VPS54: variants seen among roughly 807,000 people sequenced by gnomAD.
VPS54 encodes vacuolar protein sorting-associated protein 54.
VPS54 carries 45 observed loss-of-function variants against 121.5 expected under a neutral mutation model. That is an observed-to-expected ratio of 0.37 (90% confidence interval 0.29 to 0.47). The LOEUF (loss-of-function observed/expected upper bound fraction) is 0.47. Ranked by LOEUF, VPS54 falls within the 20% of genes least tolerant of loss-of-function variation. The probability of loss-of-function intolerance (pLI) is 0.99; values close to 1 mark genes in which losing one functional copy is unlikely to be tolerated. For missense variants in VPS54, 1,090 were observed against 1,131.4 expected (o/e 0.96, Z 0.52); for synonymous variants, 371 against 385.8 (o/e 0.96, Z 0.45).
intron 1 of VPS54, among the ~76,000 whole-genome samples, chr2:63,991,305 T>C (rs1396214387): frequency 6.6e-6 from 1 of 152,230 alleles, no homozygotes; most frequent in Non-Finnish European, 1.5e-5. Context: ...GCTCAAGGTA[T>C]TCTTTTTCAT....
intron 1 of VPS54, among the ~76,000 whole-genome samples, chr2:63,985,820 G>A (rs1025921422): frequency 6.6e-6 from 1 of 152,154 alleles, no homozygotes; most frequent in Non-Finnish European, 1.5e-5. Flanking sequence ...AAAATTAAGA[G>A]TCTTTGAAAG....
At chr2:63,894,882 C>A (rs1672380405) in intron 22 of VPS54, among the ~76,000 whole-genome samples, 1 of 151,690 alleles carries the variant, frequency 6.6e-6, no homozygotes, top group Non-Finnish European at 1.5e-5. Flanking sequence ...AATCTAGGTA[C>A]AATAAATAAG....
intron 3 of VPS54, among the ~76,000 whole-genome samples, chr2:63,981,041 C>A (rs1676779926): frequency 6.6e-6 from 1 of 151,878 alleles, no homozygotes; most frequent in Non-Finnish European, 1.5e-5. Context: ...ATTAGGCTTG[C>A]TAATGAAAAA....
chr2:63,979,241 G>GTTTTTTT (rs768489534), intron 3 of VPS54, among the ~76,000 whole-genome samples: 12 of 123,614 alleles, frequency 9.7e-5, no homozygotes, highest in African/African-American at 4.1e-4. Context: ...TTTTCTGTTT[G>GTTTTTTT]TTTTTTTTTT....
chr2:63,941,468 C>G lies in VPS54; in HGVS notation c.1398+997G>C, dbSNP rs140468043. Among the ~76,000 whole-genome samples the G allele has an allele frequency of 7.0e-4, 107 of 152,306 alleles. 4 individuals carry two copies. The East Asian group carries it at 0.016, about 23-fold the overall frequency. On this transcript the variant is annotated intron_variant, in intron 11 of 22. Transcript: ENST00000272322. ...TCTCAAACTCCTGAGCTCAAGTGAT[C>G]CTCTTGCCTTGGCCTCCCAAAGTGA...
At chr2:63,989,878 G>A (rs1393865077) in intron 1 of VPS54, among the ~76,000 whole-genome samples, 1 of 152,188 alleles carries the variant, frequency 6.6e-6, no homozygotes, top group Non-Finnish European at 1.5e-5. Context: ...TGTTAAAACA[G>A]GGAAGGGTCC....
At chr2:63,937,780 T>C (rs954094322) in intron 11 of VPS54, among the ~76,000 whole-genome samples, 2 of 152,138 alleles carry the variant, frequency 1.3e-5, no homozygotes, top group East Asian at 1.9e-4. Flanking sequence ...CAAAATGTAG[T>C]AGATACACAT....
chr2:63,980,527 A>G (rs1206744898), intron 3 of VPS54, among the ~76,000 whole-genome samples: 1 of 151,850 alleles, frequency 6.6e-6, no homozygotes, highest in African/African-American at 2.4e-5. Context: ...CTTTGTTTGG[A>G]TTGAGAATTT....
At chr2:63,919,564 T>G (rs1310247598) in intron 15 of VPS54, among the ~76,000 whole-genome samples, 1 of 152,092 alleles carries the variant, frequency 6.6e-6, no homozygotes, top group African/African-American at 2.4e-5. Context: ...TAAAAATTCC[T>G]TAACCCTTCT....
chr2:63,934,106 C>A, intron 11 of VPS54, 93 bp from the exon 12 acceptor site: 1 of 1,119,236 alleles, frequency 8.9e-7, no homozygotes. Context: ...TTTTGGACAT[C>A]TATAATCATA....
At chr2:63,998,141 T>C (rs916884959) in intron 1 of VPS54, among the ~76,000 whole-genome samples, 10 of 152,222 alleles carry the variant, frequency 6.6e-5, no homozygotes, top group Admixed American at 2.0e-4. Context: ...TAGGTGCATA[T>C]ATATTTACAA....
In VPS54 at chr2:63,947,450, C is replaced by G. The variant is rs150460424; in HGVS notation, c.1178G>C (p.Arg393Thr). The change falls in exon 9 of 23, where the codon AGA becomes ACA. Residue 393 changes from arginine to threonine, a missense_variant. Around this residue, in one of 2 missense-constraint regions of VPS54, gnomAD observed 801 missense variants for 757.0 expected, o/e 1.06. Transcript: ENST00000272322. ...ISLVFGLLKQ[R>T]KLNFLEIYGE... ...ATAGATTTCTAAAAAATTAAGCTTT[C>G]TTTGTTTTAAAAGTCCAAATACAAG... 7.1e-6 allele frequency: 11 copies of G among 1,546,784 alleles called. No homozygotes were observed. The highest frequency in any genetic ancestry group is 8.8e-6 in the Non-Finnish European group (10 of 1,130,556).
chr2:63,982,834 A>C (rs1241350463), intron 2 of VPS54, among the ~76,000 whole-genome samples: 1 of 152,376 alleles, frequency 6.6e-6, no homozygotes, highest in Non-Finnish European at 1.5e-5. Context: ...GAGAGCTGAA[A>C]CAAAAAGGCA....
intron 4 of VPS54, among the ~76,000 whole-genome samples, chr2:63,970,104 A>T (rs1676196173): frequency 6.6e-6 from 1 of 151,372 alleles, no homozygotes; most frequent in African/African-American, 2.4e-5. Flanking sequence ...GAGCTTGGTT[A>T]ATCAGTTTAC....
rs1675040424 is a variant in VPS54, at chr2:63,947,577, T to C, written c.1138-87A>G. ...GAAATATTCAGCATCAAGAGTTCTGTTTGATCCTCAGATCTCTATCCTGCA... is the reference window on the plus strand; with the variant it reads ...GAAATATTCAGCATCAAGAGTTCTGCTTGATCCTCAGATCTCTATCCTGCA... On this transcript the variant is annotated intron_variant, in intron 8 of 22. Transcript: ENST00000272322. 3 of 1,120,918 alleles carry C rather than the reference T, an allele frequency of 2.7e-6. 1 individual carries two copies. Among genetic ancestry groups the C allele is most frequent in the Middle Eastern group, 3.3e-4 (1 of 3,038 alleles). 69.4% of individuals were successfully genotyped at this position (1,120,918 alleles called of 1,614,324 possible).
intron 1 of VPS54, among the ~76,000 whole-genome samples, chr2:64,000,586 C>T (rs1677825614): frequency 6.6e-6 from 1 of 152,222 alleles, no homozygotes; most frequent in Non-Finnish European, 1.5e-5. Flanking sequence ...GCTGTATCTG[C>T]TTTAGGGGGC....
chr2:63,974,857 G>A lies in VPS54; in HGVS notation c.379-2613C>T, dbSNP rs530140677. ...TGGATTCTTTGGGATTTTCCACATA[G>A]ACGATCATTTCATCTGGAAACAGTT... On this transcript the variant is annotated intron_variant, in intron 3 of 22. Coordinates refer to ENST00000272322, the MANE Select transcript of VPS54 (RefSeq NM_016516.3). The A allele has an allele frequency of 1.2e-4, 126 of 1,036,194 alleles. No homozygotes were observed. The African/African-American group carries it at 1.9e-3, about 15-fold the overall frequency. 64.2% of individuals were successfully genotyped at this position (1,036,194 alleles called of 1,614,324 possible).
At chr2:63,970,206 T>A (rs1045604465) in intron 4 of VPS54, among the ~76,000 whole-genome samples, 138 of 50,502 alleles carry the variant, frequency 2.7e-3, no homozygotes, top group Non-Finnish European at 4.3e-3. Flanking sequence ...AAAAAAAATA[T>A]ATATATACAC....
chr2:64,013,920 C>T (rs939300687), intron 1 of VPS54, among the ~76,000 whole-genome samples: 1 of 151,708 alleles, frequency 6.6e-6, no homozygotes, highest in Non-Finnish European at 1.5e-5. Context: ...CAGCCAGGCG[C>T]GGTGGCTCAC....
Sources: allele counts gnomAD v4.1 joint callset (sites outside exome capture counted in the v4.1 genomes callset), GRCh38; gene constraint gnomAD v4.1.1; regional missense constraint gnomAD v4.1.1; transcripts MANE v1.5; gene names NCBI Gene and HGNC (gene_info 2026-07-23, HGNC 2026-07-21).